GPD2: variants seen among roughly 807,000 people sequenced by gnomAD.
GPD2 encodes the protein glycerol-3-phosphate dehydrogenase, mitochondrial.
A neutral mutation model predicts 82.4 loss-of-function variants in GPD2; 54 were observed. The ratio of observed to expected loss-of-function variants is 0.66; its 90% CI spans 0.53 to 0.82. GPD2 has a LOEUF of 0.82. Ranked by LOEUF, GPD2 falls within the 40% of genes least tolerant of loss-of-function variation. The pLI is 0.00. For missense variants in GPD2, 748 were observed against 896.2 expected, an observed-to-expected ratio of 0.83 and a Z score of 2.11; for synonymous variants, 288 against 306.1, an observed-to-expected ratio of 0.94 and a Z score of 0.62.
intron 1 of GPD2, among the ~76,000 whole-genome samples, chr2:156,458,236 C>T (rs1025608633): frequency 5.9e-5 from 9 of 152,178 alleles, no homozygotes; most frequent in African/African-American, 2.2e-4. Context: ...CATCTGTGGA[C>T]TTCCTTTAGG....
intron 13 of GPD2, among the ~76,000 whole-genome samples, chr2:156,572,258 A>G (rs974859673): frequency 1.3e-5 from 2 of 152,118 alleles, no homozygotes; most frequent in Non-Finnish European, 2.9e-5. Context: ...ATTCTCTTAT[A>G]CCCTATCTAA....
At chr2:156,535,274 T>TGAGA (rs141987512) in intron 6 of GPD2, among the ~76,000 whole-genome samples, 1 of 141,682 alleles carries the variant, frequency 7.1e-6, no homozygotes, top group Non-Finnish European at 1.5e-5. Flanking sequence ...GAATCCCAGG[T>TGAGA]GAGAGAGAGA....
chr2:156,566,667 T>C (rs896606270), intron 9 of GPD2, among the ~76,000 whole-genome samples: 1 of 152,152 alleles, frequency 6.6e-6, no homozygotes, highest in Admixed American at 6.6e-5. Flanking sequence ...AGTAATGCTA[T>C]GAACAAGGTT....
Position 156,459,686 on chromosome 2 carries a change from CAAAAAAAAAAAA to C in GPD2, c.-8-16400_-8-16389del, listed in dbSNP as rs564494059. Among the ~76,000 whole-genome samples the C allele has an allele frequency of 7.7e-4, 30 of 38,780 alleles. 1 individual carries two copies. Among genetic ancestry groups the C allele is most frequent in the African/African-American group, 2.8e-3 (27 of 9,572 alleles). The allele number at this position is 38,780 out of a possible 152,430, so 25.4% of individuals were successfully genotyped here. On this transcript the variant is annotated intron_variant, in intron 1 of 16. Coordinates refer to ENST00000438166, the MANE Select transcript of GPD2 (RefSeq NM_000408.5). ...CTGGCGACAGAGCAAGACTCCGTCT[CAAAAAAAAAAAA>C]AAAAAAAAAAAGAAAGAAAAAGGGA...
rs117532350 is a variant in GPD2, at chr2:156,446,066, G to A, written c.-9+9553G>A. On this transcript the variant is annotated intron_variant, in intron 1 of 16. Coordinates refer to ENST00000438166, the MANE Select transcript of GPD2 (RefSeq NM_000408.5). The stretch of plus-strand genomic sequence containing the variant: ...TACAGCCAGCCAGTGGATGGTGAAA[G>A]GGAAAGGCAGGAAGCATATCTACTT... Among the ~76,000 whole-genome samples, 55 of 151,950 alleles carry A rather than the reference G, an allele frequency of 3.6e-4. 1 individual carries two copies. Among genetic ancestry groups the A allele is most frequent in the East Asian group, 2.7e-3 (14 of 5,154 alleles).
chr2:156,426,733 T>C, the GPD2 span, among the ~76,000 whole-genome samples: 4 of 152,122 alleles, frequency 2.6e-5, no homozygotes, highest in Non-Finnish European at 5.9e-5. Flanking sequence ...TTTGTCCTTA[T>C]ATAGAGAGAA....
chr2:156,549,062 A>G (rs573257883), intron 6 of GPD2, among the ~76,000 whole-genome samples: 23 of 152,348 alleles, frequency 1.5e-4, no homozygotes, highest in African/African-American at 4.8e-4. Flanking sequence ...AAAAAAAGTT[A>G]CATTTTAAGA....
At chr2:156,400,825 A>G in the GPD2 span, among the ~76,000 whole-genome samples, 1 of 152,290 alleles carries the variant, frequency 6.6e-6, no homozygotes, top group African/African-American at 2.4e-5. Flanking sequence ...CCCGGGTTCA[A>G]TCCCCGGCAT....
At chr2:156,554,376 A>C (rs1686881673) in intron 8 of GPD2, among the ~76,000 whole-genome samples, 1 of 152,248 alleles carries the variant, frequency 6.6e-6, no homozygotes, top group South Asian at 2.1e-4. Context: ...TCCATTTGGA[A>C]ATGCAGTGAG....
chr2:156,475,704 T>C (rs1411595953), intron 1 of GPD2, among the ~76,000 whole-genome samples: 2 of 152,236 alleles, frequency 1.3e-5, no homozygotes, highest in Non-Finnish European at 2.9e-5. Context: ...CCAAGACTTC[T>C]TTCTGCTGGT....
the GPD2 span, among the ~76,000 whole-genome samples, chr2:156,401,751 C>T: frequency 6.6e-6 from 1 of 152,146 alleles, no homozygotes; most frequent in African/African-American, 2.4e-5. Flanking sequence ...CTAAGCTGCC[C>T]CTTCCTTCAT....
intron 3 of GPD2, among the ~76,000 whole-genome samples, chr2:156,501,539 G>A (rs1417314331): frequency 6.6e-6 from 1 of 152,126 alleles, no homozygotes; most frequent in Non-Finnish European, 1.5e-5. Context: ...AAAGGAAGGA[G>A]ATGTGTGCAT....
intron 6 of GPD2, among the ~76,000 whole-genome samples, chr2:156,538,751 G>T (rs533579055): frequency 6.6e-6 from 1 of 151,384 alleles, no homozygotes; most frequent in Non-Finnish European, 1.5e-5. Context: ...AATCCAGGAG[G>T]GGGAGCTTGC....
chr2:156,462,318 T>C (rs1172833233), intron 1 of GPD2, among the ~76,000 whole-genome samples: 1 of 152,070 alleles, frequency 6.6e-6, no homozygotes, highest in African/African-American at 2.4e-5. Flanking sequence ...GGAGTTTTGC[T>C]CTTGTTGCCC....
chr2:156,420,417 C>A, the GPD2 span, among the ~76,000 whole-genome samples: 1 of 152,142 alleles, frequency 6.6e-6, no homozygotes, highest in Non-Finnish European at 1.5e-5. Context: ...ATGATCAGCT[C>A]GCCTTGACCT....
Position 156,452,687 on chromosome 2 carries a change from A to G in GPD2, c.-9+16174A>G, listed in dbSNP as rs73018430. 1.4e-3 allele frequency among the ~76,000 whole-genome samples: 208 copies of G among 152,368 alleles called. 1 individual carries two copies. Among genetic ancestry groups the G allele is most frequent in the African/African-American group, 4.5e-3 (187 of 41,592 alleles). On this transcript the variant is annotated intron_variant, in intron 1 of 16. Transcript: ENST00000438166. ...GTTTGTTAGAACTAGAGGATAATAC[A>G]GTGAATTTCTATGCTGACAAAATGA...
chr2:156,413,454 C>T, the GPD2 span, among the ~76,000 whole-genome samples: 1 of 149,428 alleles, frequency 6.7e-6, no homozygotes, highest in Non-Finnish European at 1.5e-5. Flanking sequence ...TGTGGTGGTT[C>T]GTGCCTGTAG....
At chr2:156,424,809 C>T in the GPD2 span, among the ~76,000 whole-genome samples, 1 of 152,136 alleles carries the variant, frequency 6.6e-6, no homozygotes, top group Non-Finnish European at 1.5e-5. Context: ...TCCCCCATGA[C>T]AACAATGGAC....
At chr2:156,567,012 T>G (rs1390395576) in intron 9 of GPD2, among the ~76,000 whole-genome samples, 6 of 152,120 alleles carry the variant, frequency 3.9e-5, no homozygotes, top group African/African-American at 1.4e-4. Context: ...TTTGTATATC[T>G]TTTTTGGAGA....
Sources: gnomAD v4.1 joint callset for allele counts (sites outside exome capture counted in the v4.1 genomes callset) on GRCh38, gnomAD v4.1.1 for gene constraint, MANE v1.5 for transcripts, NCBI Gene and HGNC (gene_info 2026-07-23, HGNC 2026-07-21) for gene names.